Variants in DOCK2 observed in about 807,000 individuals in gnomAD.
The protein encoded by DOCK2 is dedicator of cytokinesis 2.
DOCK2 carries 87 observed loss-of-function variants against 248.9 expected under a neutral mutation model. The observed-to-expected ratio is 0.35, with a 90% CI of 0.29 to 0.42. The LOEUF is 0.42. DOCK2 is among the 10% of genes least tolerant of loss of function. The pLI, the probability that DOCK2 is intolerant of heterozygous loss-of-function variation, is 1.00. For missense variants in DOCK2, 1,747 were observed against 2,300.2 expected, an observed-to-expected ratio of 0.76 and a Z score of 4.92; for synonymous variants, 805 against 821.6, an observed-to-expected ratio of 0.98 and a Z score of 0.35.
At chr5:169,959,403 A>G (rs1023553420) in intron 27 of DOCK2, among the ~76,000 whole-genome samples, 2 of 152,128 alleles carry the variant, frequency 1.3e-5, no homozygotes, top group African/African-American at 4.8e-5. Flanking sequence ...ACTATTCCCA[A>G]CAACTCTAGG....
intron 9 of DOCK2, 112 bp downstream of exon 9, chr5:169,689,445 G>A (rs1166212155): frequency 9.1e-7 from 1 of 1,100,688 alleles, no homozygotes; most frequent in Non-Finnish European, 1.3e-6. Context: ...GCAGAGCTGT[G>A]TTGTGGGCTC....
At chr5:170,003,610 G>T (rs1488547499) in intron 30 of DOCK2, among the ~76,000 whole-genome samples, 1 of 152,228 alleles carries the variant, frequency 6.6e-6, no homozygotes, top group Non-Finnish European at 1.5e-5. Flanking sequence ...ACCACAGTGA[G>T]TGAAGCCATG....
Position 169,818,304 on chromosome 5 carries a change from G to C in DOCK2, c.2703+15098G>C, listed in dbSNP as rs149346470. Among the ~76,000 whole-genome samples, 515 of 152,296 alleles carry C rather than the reference G, an allele frequency of 3.4e-3. 10 individuals carry two copies. The South Asian group carries it at 0.053, about 16-fold the overall frequency. ...AGTAACCCCTATGAGCACAAAGGCCGTATCGGTCTTGTTCACTGCCATATC... is the reference window on the plus strand; with the variant it reads ...AGTAACCCCTATGAGCACAAAGGCCCTATCGGTCTTGTTCACTGCCATATC... On this transcript the variant is annotated intron_variant, in intron 26 of 51. Coordinates refer to ENST00000520908, the MANE Select transcript of DOCK2 (RefSeq NM_004946.3).
At chr5:169,672,682 C>T (rs1056556973) in intron 5 of DOCK2, among the ~76,000 whole-genome samples, 1 of 152,154 alleles carries the variant, frequency 6.6e-6, no homozygotes, top group East Asian at 1.9e-4. Context: ...CAAGATTGCC[C>T]TCACTTTAGA....
At chr5:169,962,690 A>G (rs946745355) in intron 27 of DOCK2, among the ~76,000 whole-genome samples, 2 of 152,210 alleles carry the variant, frequency 1.3e-5, no homozygotes, top group African/African-American at 2.4e-5. Context: ...ATTGGAAAAT[A>G]CGGCACTAAA....
intron 27 of DOCK2, among the ~76,000 whole-genome samples, chr5:169,932,651 A>G (rs1775809355): frequency 1.3e-5 from 2 of 152,120 alleles, no homozygotes; most frequent in Admixed American, 6.5e-5. Context: ...TCCAAACCTT[A>G]TAAACACATG....
chr5:169,978,385 GTGT>G (rs1202358783), intron 27 of DOCK2, among the ~76,000 whole-genome samples: 17 of 60,578 alleles, frequency 2.8e-4, no homozygotes, highest in Non-Finnish European at 4.8e-4. Context: ...ATGTGTGTGT[GTGT>G]GTGTGGGGGG....
chr5:169,826,547 T>C (rs935131181), intron 26 of DOCK2, among the ~76,000 whole-genome samples: 7 of 152,042 alleles, frequency 4.6e-5, no homozygotes, highest in African/African-American at 1.7e-4. Flanking sequence ...GTGAATTCTG[T>C]TACCCATCAT....
At chr5:169,694,694 G>A (rs1365255551) in intron 9 of DOCK2, among the ~76,000 whole-genome samples, 1 of 152,160 alleles carries the variant, frequency 6.6e-6, no homozygotes, top group Non-Finnish European at 1.5e-5. Flanking sequence ...TCTAGACTCA[G>A]TTGAGCTGGG....
intron 36 of DOCK2, among the ~76,000 whole-genome samples, chr5:170,038,500 T>C (rs1026973013): frequency 6.6e-6 from 1 of 152,148 alleles, no homozygotes; most frequent in Non-Finnish European, 1.5e-5. Context: ...AATCAAAATT[T>C]CCCTTTTCTC....
chr5:169,725,755 T>A (rs1369559935), intron 22 of DOCK2, among the ~76,000 whole-genome samples: 2 of 149,306 alleles, frequency 1.3e-5, no homozygotes, highest in Non-Finnish European at 1.5e-5. Flanking sequence ...GAACATGCGG[T>A]GTTTGGTTTT....
chr5:169,829,491 G>A (rs1769088502), intron 26 of DOCK2, among the ~76,000 whole-genome samples: 1 of 152,148 alleles, frequency 6.6e-6, no homozygotes, highest in Admixed American at 6.5e-5. Flanking sequence ...CCCCATTTCT[G>A]CAATGAAAAC....
At chr5:169,771,742 CT>C (rs1765100140) in intron 25 of DOCK2, among the ~76,000 whole-genome samples, 2 of 152,082 alleles carry the variant, frequency 1.3e-5, no homozygotes, top group South Asian at 4.1e-4. Context: ...AGCAAAAGTT[CT>C]TAATTTTAAC....
chr5:170,011,915 T>A (rs1034256825), intron 32 of DOCK2, among the ~76,000 whole-genome samples: 5 of 152,228 alleles, frequency 3.3e-5, no homozygotes, highest in Non-Finnish European at 5.9e-5. Context: ...GGAGCAGGTC[T>A]GGACTGGCCA....
intron 26 of DOCK2, among the ~76,000 whole-genome samples, chr5:169,825,769 T>TA (rs1415769071): frequency 4.7e-5 from 7 of 147,400 alleles, no homozygotes; most frequent in Admixed American, 2.7e-4. Flanking sequence ...TAAAGTATAA[T>TA]AAAAAATATA....
chr5:169,886,272 G>C (rs1429541356), intron 27 of DOCK2, among the ~76,000 whole-genome samples: 5 of 152,178 alleles, frequency 3.3e-5, no homozygotes, highest in Admixed American at 6.5e-5. Context: ...AGCAGGGTTG[G>C]CTTCTGAGAG....
chr5:169,875,243 C>A, intron 27 of DOCK2: 1 of 456,686 alleles, frequency 2.2e-6, no homozygotes, highest in South Asian at 1.5e-5. Context: ...GCTGCAACTG[C>A]GGATTCCCAT....
At chr5:169,700,552 A>T (rs1303693970) in intron 13 of DOCK2, among the ~76,000 whole-genome samples, 1 of 151,956 alleles carries the variant, frequency 6.6e-6, no homozygotes, top group Non-Finnish European at 1.5e-5. Context: ...ATATTACCAA[A>T]GGAATTTGTG....
Position 169,995,514 on chromosome 5 carries a change from T to C in DOCK2, c.2994-572T>C, listed in dbSNP as rs1754586750. Among the ~76,000 whole-genome samples the C allele has an allele frequency of 2.0e-5, 3 of 152,262 alleles. No individual in the cohort carries two copies. The South Asian group carries it at 6.2e-4, about 31-fold the overall frequency. ...GTGATACATCCATACAGTGGAATGC[T>C]CTTCAGTGATTAAAAAGGATGATAT... On this transcript the variant is annotated intron_variant, in intron 29 of 51. Transcript: ENST00000520908.
Sources: allele counts gnomAD v4.1 joint callset (sites outside exome capture counted in the v4.1 genomes callset), GRCh38; gene constraint gnomAD v4.1.1; transcripts MANE v1.5; gene names NCBI Gene and HGNC (gene_info 2026-07-23, HGNC 2026-07-21).